SPIDR: variants seen among roughly 807,000 people sequenced by gnomAD.
SPIDR encodes the protein scaffold protein involved in DNA repair.
In SPIDR, 93 loss-of-function variants were observed where a neutral mutation model predicts 104.6. The observed-to-expected ratio is 0.89, with a 90% confidence interval of 0.75 to 1.06. The LOEUF is 1.06. Among genes scored for constraint, SPIDR ranks in the 50% least tolerant of loss-of-function variants. The probability of loss-of-function intolerance (pLI) is 0.00; values close to 1 mark genes in which losing one functional copy is unlikely to be tolerated. For missense variants in SPIDR, 1,154 were observed against 1,111.2 expected (o/e 1.04, Z -0.55); for synonymous variants, 431 against 416.9 (o/e 1.03, Z -0.41).
intron 5 of SPIDR, among the ~76,000 whole-genome samples, chr8:47,386,342 G>A (rs1352523064): frequency 4.6e-5 from 7 of 152,048 alleles, no homozygotes; most frequent in African/African-American, 1.7e-4. Flanking sequence ...AAAGCTTGAG[G>A]GAAATTCTTT....
chr8:47,572,406 G>A (rs1286334553), intron 8 of SPIDR, among the ~76,000 whole-genome samples: 1 of 152,160 alleles, frequency 6.6e-6, no homozygotes, highest in Non-Finnish European at 1.5e-5. Context: ...GCTCATGCCT[G>A]TAATCCCAGC....
intron 10 of SPIDR, among the ~76,000 whole-genome samples, chr8:47,647,387 G>C (rs1330353103): frequency 1.3e-5 from 2 of 152,114 alleles, no homozygotes; most frequent in African/African-American, 2.4e-5. Flanking sequence ...GGCCGAGGTG[G>C]GTGGATCCCC....
At chr8:47,566,501 A>G (rs2057869445) in intron 8 of SPIDR, among the ~76,000 whole-genome samples, 1 of 152,156 alleles carries the variant, frequency 6.6e-6, no homozygotes, top group South Asian at 2.1e-4. Flanking sequence ...TCCAGACAGT[A>G]GGGATACTCA....
chr8:47,369,328 T>A (rs979279574), intron 5 of SPIDR, among the ~76,000 whole-genome samples: 3 of 152,232 alleles, frequency 2.0e-5, no homozygotes, highest in Non-Finnish European at 4.4e-5. Flanking sequence ...CAAATTGCAT[T>A]GTTAAAGTTT....
At chr8:47,396,689 T>C (rs1399587690) in intron 6 of SPIDR, 63 bp downstream of exon 6, 2 of 1,452,260 alleles carry the variant, frequency 1.4e-6, no homozygotes, top group Non-Finnish European at 1.9e-6. Context: ...AACCCAAATA[T>C]CTAAAATGTT....
intron 5 of SPIDR, among the ~76,000 whole-genome samples, chr8:47,350,162 T>C (rs145700199): frequency 6.6e-6 from 1 of 152,372 alleles, no homozygotes; most frequent in Non-Finnish European, 1.5e-5. Context: ...CCCATTTTAA[T>C]GAAATTTGTA....
chr8:47,420,437 C>T (rs1554679270), intron 7 of SPIDR, among the ~76,000 whole-genome samples: 3 of 152,080 alleles, frequency 2.0e-5, no homozygotes, highest in African/African-American at 7.2e-5. Context: ...AGGATTGCAA[C>T]CCCTGCCTTT....
intron 7 of SPIDR, among the ~76,000 whole-genome samples, chr8:47,418,136 G>A (rs2064713244): frequency 6.6e-6 from 1 of 152,198 alleles, no homozygotes; most frequent in South Asian, 2.1e-4. Flanking sequence ...GAACTTTAAA[G>A]TATTTTTTTC....
chr8:47,347,262 T>A (rs2052321173), intron 5 of SPIDR, among the ~76,000 whole-genome samples: 1 of 152,176 alleles, frequency 6.6e-6, no homozygotes, highest in Non-Finnish European at 1.5e-5. Flanking sequence ...CAGTTTTGAG[T>A]GAGTTTCTTA....
intron 5 of SPIDR, among the ~76,000 whole-genome samples, chr8:47,381,450 G>A (rs1178291200): frequency 6.6e-6 from 1 of 152,124 alleles, no homozygotes; most frequent in Admixed American, 6.5e-5. Context: ...GGTTTGTATG[G>A]GATTTAAAAG....
chr8:47,367,290 A>C (rs2057354864), intron 5 of SPIDR, among the ~76,000 whole-genome samples: 1 of 152,346 alleles, frequency 6.6e-6, no homozygotes, highest in East Asian at 1.9e-4. Context: ...CCTCAGTCCT[A>C]TCACTGCAGG....
intron 8 of SPIDR, among the ~76,000 whole-genome samples, chr8:47,553,736 C>T (rs1168686577): frequency 6.6e-6 from 1 of 152,208 alleles, no homozygotes; most frequent in African/African-American, 2.4e-5. Flanking sequence ...TCATCTGAAG[C>T]CTTCTTCTCT....
chr8:47,685,504 TA>T (rs1413896135), intron 11 of SPIDR, among the ~76,000 whole-genome samples: 2,729 of 134,442 alleles, frequency 0.02, 119 homozygotes, highest in Non-Finnish European at 0.035. Flanking sequence ...TTTATTTATT[TA>T]TTTATTTATT....
intron 10 of SPIDR, among the ~76,000 whole-genome samples, chr8:47,618,549 C>G (rs552331260): frequency 1.3e-5 from 2 of 151,894 alleles, no homozygotes; most frequent in Non-Finnish European, 2.9e-5. Context: ...ATATTATACA[C>G]GAAGGAGATA....
rs556618518 is a variant in SPIDR at position 47,684,563 on chromosome 8, TAGG to T, written c.1685+10627_1685+10629del. Among the ~76,000 whole-genome samples, 30 of 152,344 alleles carry T rather than the reference TAGG, an allele frequency of 2.0e-4. No individual in the cohort carries two copies. In the South Asian group the frequency reaches 6.2e-3, roughly 32 times the overall value. Reference sequence around the variant, plus strand: ...GGATAAATCTACTTCCAAAAGTTGTTAGGAGGATTTAATGAGATCACATTCATA... The same window carrying T: ...GGATAAATCTACTTCCAAAAGTTGTTAGGATTTAATGAGATCACATTCATA... On this transcript the variant is annotated intron_variant, in intron 11 of 19. Transcript: ENST00000297423.
At chr8:47,645,950 T>C (rs1039313489) in intron 10 of SPIDR, among the ~76,000 whole-genome samples, 1 of 152,194 alleles carries the variant, frequency 6.6e-6, no homozygotes, top group African/African-American at 2.4e-5. Flanking sequence ...TTTTTCAAGA[T>C]TTTTCTTGAT....
intron 10 of SPIDR, among the ~76,000 whole-genome samples, chr8:47,603,602 TGCCCAGG>T (rs1193430654): frequency 6.6e-6 from 1 of 151,516 alleles, no homozygotes; most frequent in African/African-American, 2.4e-5. Flanking sequence ...CTCACTCTGT[TGCCCAGG>T]CTGATCTCAA....
intron 2 of SPIDR, among the ~76,000 whole-genome samples, chr8:47,280,341 C>A (rs2037488812): frequency 6.6e-6 from 1 of 151,020 alleles, no homozygotes. Flanking sequence ...GGCTATCTTG[C>A]CTCAGCGTGT....
chr8:47,393,896 G>A (rs903880212), intron 5 of SPIDR, among the ~76,000 whole-genome samples: 15 of 136,922 alleles, frequency 1.1e-4, no homozygotes, highest in African/African-American at 3.9e-4. Flanking sequence ...CCTGTCTTTC[G>A]TCCTCCCCTC....
Sources: allele counts gnomAD v4.1 joint callset (sites outside exome capture counted in the v4.1 genomes callset), GRCh38; gene constraint gnomAD v4.1.1; transcripts MANE v1.5; gene names NCBI Gene and HGNC (gene_info 2026-07-23, HGNC 2026-07-21).